Variants in SCAI observed in about 807,000 individuals in gnomAD.
SCAI encodes suppressor of cancer cell invasion.
In SCAI, 24 loss-of-function variants were observed where a neutral mutation model predicts 92.2. The ratio of observed to expected loss-of-function variants is 0.26; its 90% CI spans 0.19 to 0.37. SCAI has a LOEUF of 0.37. SCAI is among the 10% of genes least tolerant of loss of function. The pLI, the probability that SCAI is intolerant of heterozygous loss-of-function variation, is 1.00. For synonymous variants in SCAI, 261 were observed against 258.6 expected (o/e 1.01, Z -0.09); for missense variants, 450 against 736.2 (o/e 0.61, Z 4.50).
intron 9 of SCAI, among the ~76,000 whole-genome samples, chr9:125,012,491 T>C (rs1351605689): frequency 5.9e-5 from 9 of 152,202 alleles, no homozygotes; most frequent in Non-Finnish European, 1.2e-4. Context: ...AGCCTAAATA[T>C]ATATGCACCC....
chr9:124,952,997 A>T, intron 17 of SCAI, 44 bp from the exon 18 acceptor site: 37 of 1,538,194 alleles, frequency 2.4e-5, no homozygotes, highest in Non-Finnish European at 3.2e-5. Flanking sequence ...TAGTCTAATG[A>T]AAGAAAATTA....
At chr9:125,040,316 G>A (rs1045865399) in intron 3 of SCAI, among the ~76,000 whole-genome samples, 2 of 152,122 alleles carry the variant, frequency 1.3e-5, no homozygotes, top group South Asian at 2.1e-4. Flanking sequence ...AGCCATAATC[G>A]TGCCACTGCA....
At chr9:125,002,975 T>A in intron 11 of SCAI, 139 bp downstream of exon 11, 1 of 560,230 alleles carries the variant, frequency 1.8e-6, no homozygotes, top group East Asian at 2.9e-5. Flanking sequence ...ATATCTATTA[T>A]CAGGATCATT....
intron 3 of SCAI, among the ~76,000 whole-genome samples, chr9:125,042,634 TACACACAC>T (rs1554783862): frequency 1.8e-4 from 17 of 96,214 alleles, no homozygotes; most frequent in Admixed American, 1.0e-3. Context: ...TGTGTGTGTG[TACACACAC>T]ACACACACAC....
chr9:125,114,098 C>T (rs1420808747), intron 2 of SCAI, among the ~76,000 whole-genome samples: 3 of 152,168 alleles, frequency 2.0e-5, no homozygotes, highest in African/African-American at 7.2e-5. Context: ...AAGGATGCTG[C>T]AAAATATTTT....
intron 3 of SCAI, among the ~76,000 whole-genome samples, chr9:125,054,250 T>C (rs1833619846): frequency 1.3e-5 from 2 of 152,180 alleles, no homozygotes; most frequent in Non-Finnish European, 2.9e-5. Context: ...GCTGGGATTA[T>C]GGGCGTGAGC....
chr9:125,136,683 A>G (rs183802242), intron 2 of SCAI, among the ~76,000 whole-genome samples: 247 of 149,056 alleles, frequency 1.7e-3, no homozygotes, highest in African/African-American at 5.9e-3. Context: ...CTGGTCTCAA[A>G]CTCCTGACCT....
chr9:125,024,235 C>A (rs1232852851), intron 6 of SCAI, among the ~76,000 whole-genome samples: 3 of 151,174 alleles, frequency 2.0e-5, no homozygotes, highest in Non-Finnish European at 2.9e-5. Flanking sequence ...CAAGTTTTGT[C>A]CAGTGGGAAA....
chr9:125,078,234 A>G (rs1439102790), intron 2 of SCAI, among the ~76,000 whole-genome samples: 2 of 152,162 alleles, frequency 1.3e-5, no homozygotes, highest in Middle Eastern at 3.2e-3. Context: ...AACAAAAAAA[A>G]GTCAACATTA....
intron 3 of SCAI, among the ~76,000 whole-genome samples, chr9:125,033,236 A>G (rs114309544): frequency 1.6e-3 from 237 of 152,234 alleles, no homozygotes; most frequent in African/African-American, 5.2e-3. Context: ...AAAAATGTTT[A>G]AGGTACATAT....
chr9:124,974,764 G>A (rs745988722), intron 15 of SCAI, among the ~76,000 whole-genome samples: 6 of 152,262 alleles, frequency 3.9e-5, no homozygotes, highest in Admixed American at 2.6e-4. Context: ...TAATAATAAT[G>A]ACAGCACATA....
chr9:125,046,021 A>T (rs1365746458), intron 3 of SCAI, among the ~76,000 whole-genome samples: 1 of 151,260 alleles, frequency 6.6e-6, no homozygotes, highest in Non-Finnish European at 1.5e-5. Context: ...ACTAAAAGTA[A>T]AACTACCATT....
At chr9:124,976,931 C>T (rs572681514) in intron 14 of SCAI, among the ~76,000 whole-genome samples, 41 of 151,586 alleles carry the variant, frequency 2.7e-4, no homozygotes, top group African/African-American at 8.7e-4. Flanking sequence ...TGCAATGGCA[C>T]GATCTCGGTT....
At chr9:125,119,102 T>G (rs1366590814) in intron 2 of SCAI, among the ~76,000 whole-genome samples, 1 of 152,196 alleles carries the variant, frequency 6.6e-6, no homozygotes, top group African/African-American at 2.4e-5. Context: ...GCCCACAAAT[T>G]GAAGACCAGC....
intron 2 of SCAI, among the ~76,000 whole-genome samples, chr9:125,109,050 C>T (rs1330628581): frequency 6.6e-6 from 1 of 152,068 alleles, no homozygotes; most frequent in Admixed American, 6.6e-5. Flanking sequence ...GTTGATCTAT[C>T]ACCTTACCCC....
At chr9:124,966,785 T>A (rs1468234439) in intron 17 of SCAI, among the ~76,000 whole-genome samples, 1 of 151,382 alleles carries the variant, frequency 6.6e-6, no homozygotes, top group East Asian at 1.9e-4. Flanking sequence ...ATTAAGAGTT[T>A]TTTTTTTCTA....
Position 125,073,751 on chromosome 9 carries a change from T to C in SCAI, c.99-17744A>G, listed in dbSNP as rs145700353. Among the ~76,000 whole-genome samples the C allele has an allele frequency of 3.4e-3, 523 of 151,964 alleles. 3 individuals are homozygous for C. Among genetic ancestry groups the C allele is most frequent in the Middle Eastern group, 6.8e-3 (2 of 294 alleles). On this transcript the variant is annotated intron_variant, in intron 2 of 17. Coordinates refer to ENST00000336505, the MANE Select transcript of SCAI (RefSeq NM_001144877.3). ...CAGCCTGGTCAATGTCATGTAAAGA[T>C]AAAAAAGAAAAACAAAAATAAAAAT... is the stretch of plus-strand genomic sequence containing the variant.
intron 2 of SCAI, among the ~76,000 whole-genome samples, chr9:125,106,117 A>ATAT (rs1834779042): frequency 1.6e-5 from 1 of 60,964 alleles, no homozygotes; most frequent in Non-Finnish European, 3.3e-5. Flanking sequence ...AAAAAAAAAA[A>ATAT]AAAAAATATA....
chr9:125,046,088 A>G (rs921155679), intron 3 of SCAI, among the ~76,000 whole-genome samples: 1 of 150,230 alleles, frequency 6.7e-6, no homozygotes, highest in African/African-American at 2.4e-5. Context: ...TCATTTATAT[A>G]AAAAAGATAC....
Sources: allele counts gnomAD v4.1 joint callset (sites outside exome capture counted in the v4.1 genomes callset), GRCh38; gene constraint gnomAD v4.1.1; transcripts MANE v1.5; gene names NCBI Gene and HGNC (gene_info 2026-07-23, HGNC 2026-07-21).